The following CAMTA1 variants were observed in gnomAD, a reference collection of about 807,000 sequenced individuals.
CAMTA1 encodes calmodulin-binding transcription activator 1.
In CAMTA1, 27 loss-of-function variants were observed where a neutral mutation model predicts 170.9. The ratio of observed to expected loss-of-function variants is 0.16; its 90% CI spans 0.12 to 0.22. CAMTA1 has a LOEUF of 0.22. Ranked by LOEUF, CAMTA1 falls within the 10% of genes least tolerant of loss-of-function variation. CAMTA1 has a pLI of 1.00. For missense variants in CAMTA1, 1,619 were observed against 2,217.2 expected, an observed-to-expected ratio of 0.73 and a Z score of 5.42; for synonymous variants, 833 against 891.5, an observed-to-expected ratio of 0.93 and a Z score of 1.17.
chr1:7,732,557 T>C lies in CAMTA1; in HGVS notation c.3024T>C (p.Ser1008=), dbSNP rs1465771900. 2.5e-6 allele frequency: 4 copies of C among 1,612,670 alleles called. No individual in the cohort carries two copies. Among genetic ancestry groups the C allele is most frequent in the Middle Eastern group, 1.8e-4 (1 of 5,548 alleles). ...AACAGGCGAGCGGAGGCGGCAGCAG[T>C]GGAGGCGGCAGCGGGAGCGGGAATG... ...QHKQASGGGS[S]GGGSGSGNGG... The change falls in exon 12 of 23, where the codon AGT becomes AGC. Residue 1008 remains serine (S), a synonymous_variant. Coordinates refer to ENST00000303635, the MANE Select transcript of CAMTA1 (RefSeq NM_015215.4). The surrounding 1 kb of genome is among the most constrained non-coding windows in gnomAD (Gnocchi z 4.1).
chr1:7,196,041 A>G (rs929113501), intron 4 of CAMTA1, among the ~76,000 whole-genome samples: 1 of 152,150 alleles, frequency 6.6e-6, no homozygotes, highest in African/African-American at 2.4e-5. Flanking sequence ...TGTGTGATAC[A>G]GTTTGGATTT....
chr1:7,599,972 G>A (rs1328687434), intron 6 of CAMTA1, among the ~76,000 whole-genome samples: 6 of 152,086 alleles, frequency 3.9e-5, no homozygotes, highest in Non-Finnish European at 5.9e-5. Flanking sequence ...AACTTCCAAC[G>A]CTGTGTTGAA....
At chr1:7,760,753 A>G (rs1464641237) in intron 22 of CAMTA1, among the ~76,000 whole-genome samples, 1 of 152,176 alleles carries the variant, frequency 6.6e-6, no homozygotes, top group Admixed American at 6.5e-5. Context: ...TAAATTCCCC[A>G]CAAGCTATTG....
At chr1:6,809,273 C>T (rs1644894988) in intron 1 of CAMTA1, among the ~76,000 whole-genome samples, 1 of 152,106 alleles carries the variant, frequency 6.6e-6, no homozygotes, top group Non-Finnish European at 1.5e-5. Context: ...GTGATCCGCT[C>T]ACCTTGACCT....
chr1:7,639,897 G>A (rs1202930107), intron 6 of CAMTA1, among the ~76,000 whole-genome samples: 4 of 152,198 alleles, frequency 2.6e-5, no homozygotes, highest in Non-Finnish European at 4.4e-5. Flanking sequence ...TTTCCCCTTG[G>A]GGAGAAGCGG....
At position 6,971,968 on chromosome 1, in the gene CAMTA1, G is replaced by T. The variant is rs936039679; in HGVS notation, c.235-119336G>T. ...GTTGGCCTTGTGTTCTGGACAGGCC[G>T]TGAGCAGGAGACTGATCGTCTTGAT... is the stretch of plus-strand genomic sequence containing the variant. On this transcript the variant is annotated intron_variant, in intron 3 of 22. Transcript: ENST00000303635. This position sits in a 1 kb window ranked among gnomAD's most constrained non-coding sequence, Gnocchi z 4.6. 6.6e-6 allele frequency among the ~76,000 whole-genome samples: 1 copy of T among 152,240 alleles called. No individual in the cohort carries two copies. Among genetic ancestry groups the T allele is most frequent in the African/African-American group, 2.4e-5 (1 of 41,456 alleles).
chr1:6,962,813 T>C (rs1690719252), intron 3 of CAMTA1, among the ~76,000 whole-genome samples: 1 of 145,008 alleles, frequency 6.9e-6, no homozygotes, highest in Non-Finnish European at 1.5e-5. Context: ...CCCATCTGGC[T>C]CCTCCCACCC....
intron 4 of CAMTA1, among the ~76,000 whole-genome samples, chr1:7,208,738 G>A (rs1272952543): frequency 1.3e-5 from 2 of 152,210 alleles, no homozygotes; most frequent in Admixed American, 1.3e-4. Flanking sequence ...CTGGGGAAAG[G>A]TGTCATACCT....
At chr1:7,043,580 G>A (rs1012099696) in intron 3 of CAMTA1, among the ~76,000 whole-genome samples, 7 of 152,200 alleles carry the variant, frequency 4.6e-5, no homozygotes, top group African/African-American at 1.4e-4. Flanking sequence ...GTTGCAGAAT[G>A]GCTTCGACTC....
chr1:7,714,913 T>C (rs916472798), intron 11 of CAMTA1, among the ~76,000 whole-genome samples: 1 of 152,234 alleles, frequency 6.6e-6, no homozygotes, highest in Admixed American at 6.5e-5. Context: ...ACTGACGTAG[T>C]GTGATCTTGA....
chr1:7,292,808 C>T (rs1673339832), intron 5 of CAMTA1, among the ~76,000 whole-genome samples: 1 of 152,164 alleles, frequency 6.6e-6, no homozygotes, highest in Non-Finnish European at 1.5e-5. Flanking sequence ...GTTCTTATTG[C>T]CCTTCATGGG....
intron 4 of CAMTA1, among the ~76,000 whole-genome samples, chr1:7,209,516 C>T (rs1658380187): frequency 6.6e-6 from 1 of 152,124 alleles, no homozygotes; most frequent in Non-Finnish European, 1.5e-5. Context: ...AGGCAGCTGT[C>T]AGGTCTGTTT....
intron 4 of CAMTA1, among the ~76,000 whole-genome samples, chr1:7,139,889 A>G (rs1266406113): frequency 6.6e-6 from 1 of 152,212 alleles, no homozygotes; most frequent in African/African-American, 2.4e-5. Context: ...CATCAGGGAA[A>G]GTGGCTGGCT....
In CAMTA1 at chr1:7,361,361, C is replaced by T. The variant is rs541265039; in HGVS notation, c.439-106469C>T. Among the ~76,000 whole-genome samples the T allele has an allele frequency of 2.6e-5, 4 of 152,328 alleles. No homozygotes were observed. In the South Asian group the frequency reaches 8.3e-4, roughly 32 times the overall value. On this transcript the variant is annotated intron_variant, in intron 5 of 22. Transcript: ENST00000303635. The stretch of plus-strand genomic sequence containing the variant: ...TCCCCAGTGTCATGGAACTAAGAGT[C>T]AACCAGGGAATCTTCAGGGGAGAAG...
intron 5 of CAMTA1, among the ~76,000 whole-genome samples, chr1:7,298,418 G>A (rs1330301487): frequency 6.6e-6 from 1 of 152,070 alleles, no homozygotes; most frequent in Admixed American, 6.6e-5. Context: ...TACTCTGAGG[G>A]CCAGTGAGTA....
At chr1:6,883,134 TC>T (rs1183238625) in intron 3 of CAMTA1, among the ~76,000 whole-genome samples, 3 of 152,102 alleles carry the variant, frequency 2.0e-5, no homozygotes, top group Non-Finnish European at 2.9e-5. Flanking sequence ...CTTCAAGTGA[TC>T]CACATGCCTT....
rs933660039 is a variant in CAMTA1, at chr1:7,738,780, T to C, written c.4182+298T>C. The stretch of plus-strand genomic sequence containing the variant: ...TACAGTACGTCATCTGCTTCCTCCT[T>C]GCATTTAGGTTGATTGATTTCACTG... On this transcript the variant is annotated intron_variant, in intron 16 of 22. Transcript: ENST00000303635. The surrounding 1 kb of genome is among the most constrained non-coding windows in gnomAD (Gnocchi z 4.9). 6.6e-6 allele frequency among the ~76,000 whole-genome samples: 1 copy of C among 152,276 alleles called. No homozygotes were observed. Among genetic ancestry groups the C allele is most frequent in the African/African-American group, 2.4e-5 (1 of 41,544 alleles).
intron 5 of CAMTA1, among the ~76,000 whole-genome samples, chr1:7,449,106 G>A (rs952373088): frequency 2.0e-5 from 3 of 152,250 alleles, no homozygotes; most frequent in African/African-American, 7.2e-5. Context: ...GTGGCTGGCG[G>A]TTTGCACATT....
At chr1:7,601,048 G>C (rs904913399) in intron 6 of CAMTA1, among the ~76,000 whole-genome samples, 15 of 150,508 alleles carry the variant, frequency 1.0e-4, no homozygotes, top group Admixed American at 5.3e-4. Context: ...CTCACTTCCC[G>C]GTAGGGGCGG....
Sources: gnomAD v4.1 joint callset for allele counts (sites outside exome capture counted in the v4.1 genomes callset) on GRCh38, gnomAD v4.1.1 for gene constraint, Gnocchi (gnomAD v3.1) non-coding constraint, MANE v1.5 for transcripts, NCBI Gene and HGNC (gene_info 2026-07-23, HGNC 2026-07-21) for gene names.